The following PPP1CC variants were observed in gnomAD, a reference collection of about 807,000 sequenced individuals.
PPP1CC encodes protein phosphatase 1 catalytic subunit gamma.
PPP1CC carries 16 observed loss-of-function variants against 38.4 expected under a neutral mutation model. The ratio of observed to expected loss-of-function variants is 0.42; its 90% CI spans 0.28 to 0.63. The LOEUF is 0.63. Ranked by LOEUF, PPP1CC falls within the 30% of genes least tolerant of loss-of-function variation. The probability of loss-of-function intolerance (pLI) is 0.25; values close to 1 mark genes in which losing one functional copy is unlikely to be tolerated. For synonymous variants in PPP1CC, 158 were observed against 136.0 expected (o/e 1.16, Z -1.13); for missense variants, 170 against 391.3 (o/e 0.43, Z 4.77).
chr12:110,723,925 C>CA (rs1355102230), intron 4 of PPP1CC, among the ~76,000 whole-genome samples: 1 of 152,158 alleles, frequency 6.6e-6, no homozygotes, highest in Non-Finnish European at 1.5e-5. Context: ...ACAAATTACA[C>CA]ATTGTTCATT....
chr12:110,710,796 C>T, the PPP1CC span, among the ~76,000 whole-genome samples: 1 of 148,878 alleles, frequency 6.7e-6, no homozygotes, highest in African/African-American at 2.5e-5. Context: ...CTTTGGGAGG[C>T]TAAGGTGGGC....
intron 1 of PPP1CC, among the ~76,000 whole-genome samples, chr12:110,742,165 TA>T (rs2070024491): frequency 6.7e-6 from 1 of 150,178 alleles, no homozygotes; most frequent in Admixed American, 6.6e-5. Context: ...CCACGAAAAA[TA>T]AAAATAAAAG....
downstream of PPP1CC, among the ~76,000 whole-genome samples, chr12:110,718,074 C>T (rs572574165): frequency 2.9e-4 from 44 of 152,320 alleles, no homozygotes; most frequent in Non-Finnish European, 5.3e-4. Context: ...GTGCCTTCTT[C>T]ATGGCTCAGC....
the PPP1CC span, among the ~76,000 whole-genome samples, chr12:110,714,162 T>C: frequency 6.6e-6 from 1 of 152,218 alleles, no homozygotes; most frequent in Non-Finnish European, 1.5e-5. Flanking sequence ...AGCAAGATTA[T>C]GGCTTCTAAA....
the PPP1CC span, among the ~76,000 whole-genome samples, chr12:110,711,375 C>A: frequency 6.6e-6 from 1 of 150,430 alleles, no homozygotes; most frequent in African/African-American, 2.5e-5. Flanking sequence ...ATAGCATGAC[C>A]CTGTTTCTAT....
chr12:110,742,587 A>G (rs2070030692), intron 1 of PPP1CC, 66 bp downstream of exon 1: 1 of 1,318,378 alleles, frequency 7.6e-7, no homozygotes, highest in Non-Finnish European at 9.9e-7. Flanking sequence ...CCCTCCCTCG[A>G]GCCCCCGGGG....
In PPP1CC at chr12:110,722,599, G is replaced by C; in HGVS notation, c.620C>G (p.Ser207Cys). Reference sequence around the variant, plus strand: ...GCCTAAGACATCTTTATCGGGGTCAGACCACAAAAGATCACAAAGAAGACC... The same window carrying C: ...GCCTAAGACATCTTTATCGGGGTCACACCACAAAAGATCACAAAGAAGACC... The part of the protein sequence containing the change: ...DQGLLCDLLW[S>C]DPDKDVLGWG... The change falls in exon 5 of 7, where the codon TCT becomes TGT. Residue 207 changes from serine to cysteine, a missense_variant. By Grantham distance (112) the Ser-to-Cys change is moderately radical (BLOSUM62 -1). Transcript: ENST00000335007. The surrounding 1 kb of genome is among the most constrained non-coding windows in gnomAD (Gnocchi z 5.4). 1 of 1,614,048 alleles carries C rather than the reference G, an allele frequency of 6.2e-7. No individual in the cohort carries two copies. Among genetic ancestry groups the C allele is most frequent in the Non-Finnish European group, 8.5e-7 (1 of 1,180,016 alleles).
chr12:110,734,210 G>C (rs2069914749), intron 1 of PPP1CC, among the ~76,000 whole-genome samples: 1 of 152,196 alleles, frequency 6.6e-6, no homozygotes, highest in South Asian at 2.1e-4. Context: ...CACAGCAGCA[G>C]TCCTGCTCTG....
chr12:110,715,304 G>A (rs1475831963), downstream of PPP1CC, among the ~76,000 whole-genome samples: 2 of 152,088 alleles, frequency 1.3e-5, no homozygotes, highest in African/African-American at 4.8e-5. Context: ...TGGAACACAA[G>A]AATGAATTTG....
Position 110,720,171 on chromosome 12 carries a change from G to C in PPP1CC, c.*905C>G. 1 of 1,555,610 alleles carries C rather than the reference G, an allele frequency of 6.4e-7. No homozygotes were observed. Among genetic ancestry groups the C allele is most frequent in the Non-Finnish European group, 8.6e-7 (1 of 1,156,384 alleles). On this transcript the variant is annotated 3_prime_UTR_variant, in exon 7 of 7. Transcript: ENST00000335007. ...AACAGTATTGTTTCTATAATTTGAA[G>C]CTTTCTGAATGGACGGGTTCAGGCC...
intron 1 of PPP1CC, among the ~76,000 whole-genome samples, chr12:110,741,388 A>G (rs1318637583): frequency 6.6e-6 from 1 of 152,252 alleles, no homozygotes; most frequent in Admixed American, 6.5e-5. Flanking sequence ...AGGACTGTAT[A>G]AAGGCAAAAA....
intron 1 of PPP1CC, among the ~76,000 whole-genome samples, chr12:110,741,849 G>A (rs746676286): frequency 5.9e-5 from 9 of 152,108 alleles, no homozygotes; most frequent in Non-Finnish European, 1.0e-4. Flanking sequence ...AATGAAATCT[G>A]TCTTAAGTGC....
At position 110,721,949 on chromosome 12, in the gene PPP1CC, C is replaced by A. The variant is rs955536091; in HGVS notation, c.882+186G>T. ...ATAATTCAACACTGGGAAAAGGTGC[C>A]ATAATTAATTTTTTCTTTTACAAGG... On this transcript the variant is annotated intron_variant, in intron 6 of 6. Transcript: ENST00000335007. 6 of 583,332 alleles carry A rather than the reference C, an allele frequency of 1.0e-5. No individual in the cohort carries two copies. In the African/African-American group the frequency reaches 1.1e-4, roughly 11 times the overall value. 36.1% of individuals were successfully genotyped at this position (583,332 alleles called of 1,614,324 possible).
intron 4 of PPP1CC, among the ~76,000 whole-genome samples, chr12:110,724,456 C>T (rs1161490854): frequency 6.6e-6 from 1 of 152,134 alleles, no homozygotes; most frequent in African/African-American, 2.4e-5. Context: ...CTTACAGAGT[C>T]TAGAATTCCC....
the PPP1CC span, among the ~76,000 whole-genome samples, chr12:110,712,671 G>A: frequency 6.7e-6 from 1 of 149,774 alleles, no homozygotes; most frequent in Non-Finnish European, 1.5e-5. Context: ...AAAAAAGGGG[G>A]GGCACTGAAA....
At chr12:110,719,445 G>A (rs745696828), downstream of PPP1CC, among the ~76,000 whole-genome samples, 10 of 152,114 alleles carry the variant, frequency 6.6e-5, no homozygotes, top group Admixed American at 2.0e-4. Context: ...CATTTTTAGC[G>A]TACCTTTGAG....
At chr12:110,710,157 AGT>A in the PPP1CC span, among the ~76,000 whole-genome samples, 5 of 151,966 alleles carry the variant, frequency 3.3e-5, no homozygotes, top group African/African-American at 7.2e-5. Context: ...AAGATGTTAA[AGT>A]GAAATGAAAG....
Position 110,722,406 on chromosome 12 carries a change from T to C in PPP1CC, c.747+66A>G, listed in dbSNP as rs1314922297. 7 of 1,582,272 alleles carry C rather than the reference T, an allele frequency of 4.4e-6. No homozygotes were observed. Among genetic ancestry groups the C allele is most frequent in the Non-Finnish European group, 6.1e-6 (7 of 1,152,596 alleles). ...AATAAGCAATACCTACCCACCAAAA[T>C]CAACAAGGAGAATCTGTGCTCACAC... On this transcript the variant is annotated intron_variant, in intron 5 of 6. Coordinates refer to ENST00000335007, the MANE Select transcript of PPP1CC (RefSeq NM_002710.4). The surrounding 1 kb of genome is among the most constrained non-coding windows in gnomAD (Gnocchi z 5.4).
Position 110,720,038 on chromosome 12 carries a change from T to G in PPP1CC, c.*1038A>C. 1 of 1,103,948 alleles carries G rather than the reference T, an allele frequency of 9.1e-7. No homozygotes were observed. Among genetic ancestry groups the G allele is most frequent in the Non-Finnish European group, 1.3e-6 (1 of 775,544 alleles). The allele number at this position is 1,103,948 out of a possible 1,614,324, so 68.4% of individuals were successfully genotyped here. A position where few individuals can be genotyped will look rare whatever the true frequency, so the allele number is the denominator to read the frequency against. ...AGTCATAGGTACTGTGAGTTCTGTA[T>G]AAACTGGTGGACAGTAAGTTAGTTC... On this transcript the variant is annotated 3_prime_UTR_variant, in exon 7 of 7. Transcript: ENST00000335007.
Sources: gnomAD v4.1 joint callset for allele counts (sites outside exome capture counted in the v4.1 genomes callset) on GRCh38, gnomAD v4.1.1 for gene constraint, Gnocchi (gnomAD v3.1) non-coding constraint, MANE v1.5 for transcripts, NCBI Gene and HGNC (gene_info 2026-07-23, HGNC 2026-07-21) for gene names.